Variants in MS4A4E observed in about 807,000 individuals in gnomAD.
MS4A4E encodes the protein putative membrane-spanning 4-domains subfamily A member 4E.
A neutral mutation model predicts 13.3 loss-of-function variants in MS4A4E; 23 were observed. That is an observed-to-expected ratio of 1.73 (90% CI 1.25 to 2.45). The LOEUF (loss-of-function observed/expected upper bound fraction) is 2.45. Ranked by LOEUF, MS4A4E falls within the 30% of genes most tolerant of loss-of-function variation. The pLI, the probability that MS4A4E is intolerant of heterozygous loss-of-function variation, is 0.00. For missense variants in MS4A4E, 144 were observed against 131.2 expected (o/e 1.10, Z -0.48); for synonymous variants, 36 against 45.6 (o/e 0.79, Z 0.85).
At position 60,225,065 on chromosome 11, in the gene MS4A4E, C is replaced by T. The variant is rs1022411772; in HGVS notation, c.178+3529G>A. On this transcript the variant is annotated intron_variant, in intron 3 of 8. Coordinates refer to ENST00000651255, the MANE Select transcript of MS4A4E (RefSeq NM_001393391.1). Reference sequence around the variant, plus strand: ...CATCATTATTATTCCCATGCTAAGGCTCATCAAGGCAATCAGAATCCGCAC... The same window carrying T: ...CATCATTATTATTCCCATGCTAAGGTTCATCAAGGCAATCAGAATCCGCAC... The T allele has an allele frequency of 1.9e-6, 3 of 1,561,190 alleles. No homozygotes were observed. The African/African-American group carries it at 4.1e-5, about 21-fold the overall frequency.
At chr11:60,202,022 A>G (rs1422024716) in intron 8 of MS4A4E, 143 bp from the exon 9 acceptor site, 1 of 152,712 alleles carries the variant, frequency 6.5e-6, no homozygotes, top group Non-Finnish European at 1.5e-5. Context: ...TATTATTCAC[A>G]GAGCAAATTG....
At chr11:60,241,767 A>C (rs2084555210) in intron 1 of MS4A4E, among the ~76,000 whole-genome samples, 1 of 152,224 alleles carries the variant, frequency 6.6e-6, no homozygotes, top group Non-Finnish European at 1.5e-5. Context: ...GATACATATG[A>C]GGGAGGGACA....
chr11:60,237,919 TC>T (rs1289531659), intron 1 of MS4A4E, among the ~76,000 whole-genome samples: 1 of 152,114 alleles, frequency 6.6e-6, no homozygotes, highest in African/African-American at 2.4e-5. Context: ...AATTTTTTAA[TC>T]TATTGAGGCA....
At chr11:60,208,095 G>C (rs1430826481) in intron 6 of MS4A4E, among the ~76,000 whole-genome samples, 1 of 152,150 alleles carries the variant, frequency 6.6e-6, no homozygotes, top group Non-Finnish European at 1.5e-5. Flanking sequence ...GAGTTCTAAG[G>C]TGACACTCAC....
At chr11:60,241,168 C>T (rs934517885) in intron 1 of MS4A4E, among the ~76,000 whole-genome samples, 18 of 152,136 alleles carry the variant, frequency 1.2e-4, no homozygotes, top group African/African-American at 2.2e-4. Context: ...GGGCTACCGG[C>T]GCCTGCCACC....
intron 8 of MS4A4E, among the ~76,000 whole-genome samples, chr11:60,204,656 A>G (rs1217805361): frequency 6.6e-6 from 1 of 152,198 alleles, no homozygotes; most frequent in Non-Finnish European, 1.5e-5. Context: ...TCATCCATGA[A>G]ATCAAGCATT....
At chr11:60,227,406 C>A (rs935921341) in intron 3 of MS4A4E, among the ~76,000 whole-genome samples, 1 of 152,020 alleles carries the variant, frequency 6.6e-6, no homozygotes, top group Non-Finnish European at 1.5e-5. Context: ...AAAAAGTTAG[C>A]CAGGCATAGT....
At chr11:60,231,874 A>C (rs1306505815) in intron 1 of MS4A4E, among the ~76,000 whole-genome samples, 2 of 152,196 alleles carry the variant, frequency 1.3e-5, no homozygotes, top group Non-Finnish European at 2.9e-5. Flanking sequence ...AAGAAGTCCC[A>C]CAGATTAGGA....
At chr11:60,218,453 G>C (rs370396206) in intron 3 of MS4A4E, among the ~76,000 whole-genome samples, 54 of 152,248 alleles carry the variant, frequency 3.5e-4, no homozygotes, top group East Asian at 2.1e-3. Flanking sequence ...GGTTTTTGCA[G>C]CTTGTGGGGT....
chr11:60,239,514 A>G (rs1188651139), intron 1 of MS4A4E, among the ~76,000 whole-genome samples: 2 of 152,202 alleles, frequency 1.3e-5, no homozygotes, highest in African/African-American at 2.4e-5. Flanking sequence ...GGAGGGGTCT[A>G]TATAACTGGT....
At chr11:60,227,798 G>A (rs1039740507) in intron 3 of MS4A4E, among the ~76,000 whole-genome samples, 2 of 151,846 alleles carry the variant, frequency 1.3e-5, no homozygotes, top group Non-Finnish European at 1.5e-5. Context: ...AGACACAGAA[G>A]TATAGTCAAG....
chr11:60,229,991 C>T lies in MS4A4E; in HGVS notation c.65G>A (p.Gly22Glu). Residue 22 changes from glycine (G) to glutamate (E), a missense_variant, in exon 2 of 9, where the codon GGA becomes GAA. Gly to Glu is a moderately conservative substitution (Grantham distance 98, BLOSUM62 -2). Around this residue, in one of 3 missense-constraint regions of MS4A4E, gnomAD observed 119 missense variants for 88.7 expected, o/e 1.34. Transcript: ENST00000651255. ...ATATGAATGTATGACATCTATGTTT[C>T]CCAGCTGGGGCACATCAGGGCCAGC... is the stretch of plus-strand genomic sequence containing the variant. ...PGAGPDVPQL[G>E]NIDVIHSYLC... 1 of 1,613,602 alleles carries T rather than the reference C, an allele frequency of 6.2e-7. No homozygotes were observed. Among genetic ancestry groups the T allele is most frequent in the Non-Finnish European group, 8.5e-7 (1 of 1,179,786 alleles).
chr11:60,225,143 T>C, intron 3 of MS4A4E: 1 of 1,428,100 alleles, frequency 7.0e-7, no homozygotes. Context: ...AAATGGTGCT[T>C]ATGCCACTCC....
intron 6 of MS4A4E, among the ~76,000 whole-genome samples, chr11:60,207,914 T>C (rs1402861736): frequency 1.3e-5 from 2 of 152,222 alleles, no homozygotes; most frequent in Admixed American, 6.5e-5. Context: ...TCTGAGATCA[T>C]GACATTCCTT....
chr11:60,237,071 T>A (rs1035941216), intron 1 of MS4A4E, among the ~76,000 whole-genome samples: 1 of 152,168 alleles, frequency 6.6e-6, no homozygotes, highest in African/African-American at 2.4e-5. Context: ...ACCTATAATT[T>A]ATTTTTTCTG....
chr11:60,224,014 T>C (rs2084310956), intron 3 of MS4A4E, among the ~76,000 whole-genome samples: 3 of 152,206 alleles, frequency 2.0e-5, no homozygotes, highest in Admixed American at 2.0e-4. Flanking sequence ...AATTAAGCTC[T>C]ATTATAAAAC....
chr11:60,213,213 A>G, intron 4 of MS4A4E, 81 bp from the exon 5 acceptor site: 9 of 1,326,904 alleles, frequency 6.8e-6, no homozygotes, highest in Non-Finnish European at 9.4e-6. Context: ...ACTGCTGTCT[A>G]CCTTTATCTT....
intron 1 of MS4A4E, among the ~76,000 whole-genome samples, chr11:60,241,267 A>G (rs995152475): frequency 3.9e-5 from 6 of 152,104 alleles, no homozygotes; most frequent in Non-Finnish European, 8.8e-5. Context: ...CTCGTGATCC[A>G]CCCACCTGGG....
chr11:60,208,652 A>C lies in MS4A4E; in HGVS notation c.424T>G (p.Cys142Gly), dbSNP rs1441179029. 13 of 1,478,738 alleles carry C rather than the reference A, an allele frequency of 8.8e-6. No individual in the cohort carries two copies. Among genetic ancestry groups the C allele is most frequent in the Non-Finnish European group, 1.1e-5 (12 of 1,066,228 alleles). 91.6% of individuals were successfully genotyped at this position (1,478,738 alleles called of 1,614,324 possible). Reference protein sequence around the residue: ...MVLLLSVLEFCIAVALSAFGC... With the variant: ...MVLLLSVLEFGIAVALSAFGC... ...AAGGCAGAGAGGGCCACAGCAATGC[A>C]GAATTCCAGCACACTTAAGAGGAGC... Residue 142 changes from cysteine (C) to glycine (G), a missense_variant, in exon 6 of 9, where the codon TGC becomes GGC. Cys to Gly is a radical substitution (Grantham distance 159). Transcript: ENST00000651255.
Sources: gnomAD v4.1 joint callset for allele counts (sites outside exome capture counted in the v4.1 genomes callset) on GRCh38, gnomAD v4.1.1 for gene constraint, gnomAD v4.1.1 regional missense constraint, MANE v1.5 for transcripts, NCBI Gene and HGNC (gene_info 2026-07-23, HGNC 2026-07-21) for gene names.